KCNH1: variants seen among roughly 807,000 people sequenced by gnomAD.
KCNH1 encodes potassium voltage-gated channel subfamily H member 1.
Under a neutral mutation model 69.2 loss-of-function variants are expected in KCNH1, and 27 were observed. That is an observed-to-expected ratio of 0.39 (90% confidence interval 0.29 to 0.54). The LOEUF (loss-of-function observed/expected upper bound fraction) is 0.54. KCNH1 is among the 20% of genes least tolerant of loss of function. The pLI is 0.68. For synonymous variants in KCNH1, 456 were observed against 487.7 expected, an observed-to-expected ratio of 0.93 and a Z score of 0.86; for missense variants, 798 against 1,261.6, an observed-to-expected ratio of 0.63 and a Z score of 5.57.
intron 6 of KCNH1, among the ~76,000 whole-genome samples, chr1:210,993,256 G>C (rs1038524639): frequency 6.6e-6 from 1 of 151,994 alleles, no homozygotes; most frequent in Admixed American, 6.6e-5. Context: ...TGTTTCCAAG[G>C]GACTTTTCCT....
chr1:210,787,486 G>A (rs748088623), intron 9 of KCNH1, among the ~76,000 whole-genome samples: 2 of 152,184 alleles, frequency 1.3e-5, no homozygotes, highest in Non-Finnish European at 2.9e-5. Context: ...TTGGCCCACT[G>A]TTTGTATTTC....
At chr1:210,771,513 T>C (rs748408217) in intron 10 of KCNH1, among the ~76,000 whole-genome samples, 25 of 152,260 alleles carry the variant, frequency 1.6e-4, no homozygotes, top group Middle Eastern at 3.4e-3. Flanking sequence ...CCACAGAACA[T>C]TGCGCAGGGC....
At chr1:211,068,686 G>T (rs948535447) in intron 5 of KCNH1, among the ~76,000 whole-genome samples, 3 of 152,140 alleles carry the variant, frequency 2.0e-5, no homozygotes, top group East Asian at 3.9e-4. Flanking sequence ...GAGCCACTGC[G>T]CCTGGCAACA....
chr1:211,045,799 A>G (rs1690086270), intron 5 of KCNH1, among the ~76,000 whole-genome samples: 1 of 152,342 alleles, frequency 6.6e-6, no homozygotes, highest in Non-Finnish European at 1.5e-5. Flanking sequence ...TGTATCTTGT[A>G]TAAGTGAAAC....
At chr1:210,791,131 C>A (rs775006451) in intron 9 of KCNH1, among the ~76,000 whole-genome samples, 1 of 152,176 alleles carries the variant, frequency 6.6e-6, no homozygotes, top group Non-Finnish European at 1.5e-5. Flanking sequence ...GTTGACCCTA[C>A]CATGTGGTAT....
At chr1:210,964,164 C>G (rs1004241690) in intron 6 of KCNH1, among the ~76,000 whole-genome samples, 3 of 152,126 alleles carry the variant, frequency 2.0e-5, no homozygotes, top group African/African-American at 7.2e-5. Context: ...ATTTTCAACC[C>G]AGAATTTTAT....
chr1:211,069,119 A>G (rs986494813), intron 5 of KCNH1, among the ~76,000 whole-genome samples: 1 of 152,188 alleles, frequency 6.6e-6, no homozygotes, highest in Non-Finnish European at 1.5e-5. Context: ...GAGCCTAACT[A>G]ACTGATTGGA....
intron 6 of KCNH1, among the ~76,000 whole-genome samples, chr1:211,002,225 A>G (rs780132244): frequency 6.6e-6 from 1 of 151,132 alleles, no homozygotes; most frequent in Non-Finnish European, 1.5e-5. Flanking sequence ...TTTAGCATCA[A>G]TGTTCAAAAT....
At chr1:210,705,195 G>A (rs956623061) in intron 10 of KCNH1, among the ~76,000 whole-genome samples, 4 of 152,310 alleles carry the variant, frequency 2.6e-5, no homozygotes, top group South Asian at 2.1e-4. Context: ...GAGGGCACCC[G>A]CTGAGAAGTA....
At chr1:211,048,731 T>C (rs1327977345) in intron 5 of KCNH1, among the ~76,000 whole-genome samples, 1 of 152,152 alleles carries the variant, frequency 6.6e-6, no homozygotes, top group Non-Finnish European at 1.5e-5. Flanking sequence ...GACTGCACAT[T>C]GGGCACAGTG....
chr1:210,869,957 A>G lies in KCNH1; in HGVS notation c.1462+49683T>C, dbSNP rs141217659. Among the ~76,000 whole-genome samples the G allele has an allele frequency of 1.4e-4, 21 of 152,212 alleles. No individual in the cohort carries two copies. In the East Asian group the frequency reaches 3.5e-3, roughly 25 times the overall value. On this transcript the variant is annotated intron_variant, in intron 7 of 10. Coordinates refer to ENST00000271751, the MANE Select transcript of KCNH1 (RefSeq NM_172362.3). ...TATAAAGATCCTCAGCATTTTCTCT[A>G]CTGAGCACATTCCAGCCACTCAGCC...
At chr1:210,976,960 A>G (rs1000759703) in intron 6 of KCNH1, among the ~76,000 whole-genome samples, 1 of 151,418 alleles carries the variant, frequency 6.6e-6, no homozygotes, top group African/African-American at 2.4e-5. Flanking sequence ...TACTGGGTAT[A>G]TACCCAAAGG....
At chr1:211,062,391 T>C (rs1489550505) in intron 5 of KCNH1, among the ~76,000 whole-genome samples, 1 of 152,120 alleles carries the variant, frequency 6.6e-6, no homozygotes, top group African/African-American at 2.4e-5. Context: ...AACTCTCCAA[T>C]ACATTGGACT....
chr1:211,069,738 A>G (rs1422084075), intron 5 of KCNH1, among the ~76,000 whole-genome samples: 1 of 144,894 alleles, frequency 6.9e-6, no homozygotes, highest in African/African-American at 2.6e-5. Context: ...AAATTATTAC[A>G]GTACTACAGT....
chr1:210,708,879 G>A (rs1681981817), intron 10 of KCNH1, among the ~76,000 whole-genome samples: 1 of 152,202 alleles, frequency 6.6e-6, no homozygotes, highest in African/African-American at 2.4e-5. Context: ...GCATAGGGCA[G>A]GGAGGACAAG....
intron 5 of KCNH1, among the ~76,000 whole-genome samples, chr1:211,024,884 A>G (rs558027194): frequency 1.7e-4 from 26 of 151,716 alleles, no homozygotes; most frequent in Admixed American, 1.1e-3. Context: ...CAAAGTAGGC[A>G]CTACAGGACT....
intron 7 of KCNH1, among the ~76,000 whole-genome samples, chr1:210,807,975 T>G (rs1207015532): frequency 6.6e-6 from 1 of 152,188 alleles, no homozygotes. Context: ...GTGGTGTCAA[T>G]CTGAACAAAA....
In KCNH1 at chr1:210,684,153, A is replaced by G; in HGVS notation, c.2113-15T>C. The G allele has an allele frequency of 1.3e-6, 2 of 1,500,136 alleles. No individual in the cohort carries two copies. Among genetic ancestry groups the G allele is most frequent in the Non-Finnish European group, 1.8e-6 (2 of 1,126,564 alleles). The allele number at this position is 1,500,136 out of a possible 1,614,324, so 92.9% of individuals were successfully genotyped here. A position where few individuals can be genotyped will look rare whatever the true frequency, so the allele number is the denominator to read the frequency against. Reference sequence around the variant, plus strand: ...CGGAACACAATCTGGAGAGAGAGAGAGAGAGAATGACATGGCGTGTTAGCC... The same window carrying G: ...CGGAACACAATCTGGAGAGAGAGAGGGAGAGAATGACATGGCGTGTTAGCC... On this transcript the variant is annotated splice_polypyrimidine_tract_variant and intron_variant, in intron 10 of 10. Transcript: ENST00000271751.
Position 210,797,706 on chromosome 1 carries a change from G to T in KCNH1, c.1717C>A (p.Arg573Ser). 1 of 1,614,180 alleles carries T rather than the reference G, an allele frequency of 6.2e-7. No homozygotes were observed. The highest frequency in any genetic ancestry group is 8.5e-7 in the Non-Finnish European group (1 of 1,180,024). Residue 573 changes from arginine (R) to serine (S), a missense_variant, in exon 9 of 11, where the codon CGC becomes AGC. Around this residue, in one of 4 missense-constraint regions of KCNH1, gnomAD observed 197 missense variants for 407.7 expected, o/e 0.48. Transcript: ENST00000271751. ...GCCGGGTGCTCCTTGAACACCTTGC[G>T]GTTCAGGTGCACGCAGATGTCGGCT... ...MRADICVHLN[R>S]KVFKEHPAFR...
Sources: gnomAD v4.1 joint callset for allele counts (sites outside exome capture counted in the v4.1 genomes callset) on GRCh38, gnomAD v4.1.1 for gene constraint, gnomAD v4.1.1 regional missense constraint, MANE v1.5 for transcripts, NCBI Gene and HGNC (gene_info 2026-07-23, HGNC 2026-07-21) for gene names.